Variants in SLC24A3 observed in about 807,000 individuals in gnomAD.
SLC24A3 encodes sodium/potassium/calcium exchanger 3.
SLC24A3 carries 28 observed loss-of-function variants against 75.8 expected under a neutral mutation model. The ratio of observed to expected loss-of-function variants is 0.37; its 90% confidence interval spans 0.27 to 0.51. The LOEUF (loss-of-function observed/expected upper bound fraction) is 0.51, where lower values mean the gene tolerates loss of function less well. Ranked by LOEUF, SLC24A3 falls within the 20% of genes least tolerant of loss-of-function variation. The probability of loss-of-function intolerance (pLI) is 0.94; values close to 1 mark genes in which losing one functional copy is unlikely to be tolerated. For missense variants in SLC24A3, 663 were observed against 847.8 expected, an observed-to-expected ratio of 0.78 and a Z score of 2.71; for synonymous variants, 372 against 334.1, an observed-to-expected ratio of 1.11 and a Z score of -1.24.
At chr20:19,291,521 T>A (rs750626732) in intron 2 of SLC24A3, among the ~76,000 whole-genome samples, 1 of 152,192 alleles carries the variant, frequency 6.6e-6, no homozygotes, top group Non-Finnish European at 1.5e-5. Flanking sequence ...GGAGAGTAAG[T>A]TTAAATAGGT....
At chr20:19,504,417 A>C (rs1021179131) in intron 2 of SLC24A3, among the ~76,000 whole-genome samples, 3 of 152,226 alleles carry the variant, frequency 2.0e-5, no homozygotes, top group African/African-American at 7.2e-5. Flanking sequence ...TAAATATTTA[A>C]AGTTTAAAAA....
intron 3 of SLC24A3, among the ~76,000 whole-genome samples, chr20:19,524,315 C>T (rs191176079): frequency 3.5e-4 from 53 of 152,304 alleles, no homozygotes; most frequent in East Asian, 1.2e-3. Flanking sequence ...GACTTCAGGA[C>T]GTACAGAATC....
Position 19,585,454 on chromosome 20 carries a change from C to G in SLC24A3, c.522C>G (p.Thr174=). 1 of 1,614,054 alleles carries G rather than the reference C, an allele frequency of 6.2e-7. No homozygotes were observed. Among genetic ancestry groups the G allele is most frequent in the Non-Finnish European group, 8.5e-7 (1 of 1,179,984 alleles). The stretch of plus-strand genomic sequence containing the variant: ...TCTGTGTTTCAGGGGTCTTCATCAC[C>G]AAAGGCGATGTGGGAGTTGGCACCA... The part of the protein sequence containing the change: ...LFTSVIGVFI[T]KGDVGVGTIV... The change falls in exon 6 of 17, where the codon ACC becomes ACG. Residue 174 remains threonine (T), a synonymous_variant. Transcript: ENST00000328041.
At chr20:19,264,158 CA>C (rs11477124) in intron 1 of SLC24A3, 17,286 of 105,710 alleles carry the variant, frequency 0.16, 1,979 homozygotes, top group East Asian at 0.61. Context: ...AAGACCCTGT[CA>C]AAAAAAAAAA....
intron 3 of SLC24A3, among the ~76,000 whole-genome samples, chr20:19,532,153 G>T (rs934611804): frequency 6.6e-6 from 1 of 152,182 alleles, no homozygotes; most frequent in East Asian, 1.9e-4. Flanking sequence ...CTCAGCTTTT[G>T]ATCTAGACGA....
intron 1 of SLC24A3, among the ~76,000 whole-genome samples, chr20:19,265,017 T>C (rs1043820031): frequency 6.6e-6 from 1 of 152,214 alleles, no homozygotes. Context: ...ATAAACTACT[T>C]GCACCCAAGT....
intron 3 of SLC24A3, among the ~76,000 whole-genome samples, chr20:19,532,297 C>T (rs3790249): frequency 0.61 from 92,285 of 151,658 alleles, 28,462 homozygotes; most frequent in Non-Finnish European, 0.66. Context: ...TGGATACTTG[C>T]GGAAGGCCCC....
intron 2 of SLC24A3, among the ~76,000 whole-genome samples, chr20:19,370,435 C>A (rs965582500): frequency 3.9e-5 from 6 of 152,232 alleles, no homozygotes; most frequent in Non-Finnish European, 8.8e-5. Context: ...CTTTCAGGCA[C>A]CCACAGCCTC....
intron 2 of SLC24A3, among the ~76,000 whole-genome samples, chr20:19,484,905 C>T (rs192192587): frequency 6.6e-6 from 1 of 152,212 alleles, no homozygotes; most frequent in Admixed American, 6.5e-5. Flanking sequence ...TGTATTTTTT[C>T]AGGAGACTGA....
chr20:19,684,189 C>T lies in SLC24A3; in HGVS notation c.915C>T (p.Arg305=). The change falls in exon 11 of 17, where the codon CGC becomes CGT. Residue 305 remains arginine (R), a synonymous_variant. Transcript: ENST00000328041. ...TCGTTTCCCTAGCAAATTTCCACCG[C>T]AAAGCATCAGTGATCATGGTAGACG... The part of the protein sequence containing the change: ...VVLLKKANFH[R]KASVIMVDEL... The T allele has an allele frequency of 6.2e-7, 1 of 1,613,216 alleles. No homozygotes were observed. The highest frequency in any genetic ancestry group is 2.2e-5 in the East Asian group (1 of 44,828).
intron 15 of SLC24A3, among the ~76,000 whole-genome samples, chr20:19,715,870 C>T (rs2033040239): frequency 6.6e-6 from 1 of 152,220 alleles, no homozygotes; most frequent in Non-Finnish European, 1.5e-5. Context: ...TTTTCACTCC[C>T]TGCAGGAGAG....
At chr20:19,611,336 G>A (rs563635381) in intron 6 of SLC24A3, among the ~76,000 whole-genome samples, 1 of 151,952 alleles carries the variant, frequency 6.6e-6, no homozygotes, top group Non-Finnish European at 1.5e-5. Context: ...GTGGTTCTTG[G>A]AACAGAGAAG....
chr20:19,607,613 G>A (rs1252699417), intron 6 of SLC24A3, among the ~76,000 whole-genome samples: 4 of 152,252 alleles, frequency 2.6e-5, no homozygotes, highest in Non-Finnish European at 4.4e-5. Context: ...CTTCATGGCC[G>A]ACTGTCCACA....
rs536279017 is a variant in SLC24A3, at chr20:19,481,311, T to G, written c.272-34177T>G. The stretch of plus-strand genomic sequence containing the variant: ...AGTGACTATGTGCTGGACACCCGTT[T>G]TAGCACTTCACACGTACTAGTGCTT... On this transcript the variant is annotated intron_variant, in intron 2 of 16. Coordinates refer to ENST00000328041, the MANE Select transcript of SLC24A3 (RefSeq NM_020689.4). 2.0e-5 allele frequency among the ~76,000 whole-genome samples: 3 copies of G among 152,326 alleles called. No homozygotes were observed. The South Asian group carries it at 6.2e-4, about 32-fold the overall frequency.
intron 3 of SLC24A3, among the ~76,000 whole-genome samples, chr20:19,515,974 A>T (rs2029979308): frequency 6.6e-6 from 1 of 152,094 alleles, no homozygotes; most frequent in Admixed American, 6.5e-5. Context: ...TTTGCTTTTC[A>T]ACTTTTCACC....
intron 2 of SLC24A3, among the ~76,000 whole-genome samples, chr20:19,432,269 G>GTT (rs1284900940): frequency 9.5e-6 from 1 of 105,130 alleles, no homozygotes; most frequent in Non-Finnish European, 1.7e-5. Context: ...ATATATATCT[G>GTT]TTTTATATAT....
chr20:19,720,639 C>T (rs8115082), intron 16 of SLC24A3, among the ~76,000 whole-genome samples: 3,808 of 152,142 alleles, frequency 0.025, 151 homozygotes, highest in African/African-American at 0.086. Flanking sequence ...GAGTGGGGGC[C>T]TGCTTAAAGC....
At chr20:19,294,004 A>G (rs1984004428) in intron 2 of SLC24A3, among the ~76,000 whole-genome samples, 1 of 152,198 alleles carries the variant, frequency 6.6e-6, no homozygotes, top group Non-Finnish European at 1.5e-5. Context: ...TAACCTATGC[A>G]CATCCTCCCA....
At chr20:19,642,924 G>A (rs2032092969) in intron 6 of SLC24A3, among the ~76,000 whole-genome samples, 1 of 152,066 alleles carries the variant, frequency 6.6e-6, no homozygotes, top group African/African-American at 2.4e-5. Flanking sequence ...TTTAATGCAG[G>A]GGGGAAATAT....
Sources: gnomAD v4.1 joint callset for allele counts (sites outside exome capture counted in the v4.1 genomes callset) on GRCh38, gnomAD v4.1.1 for gene constraint, MANE v1.5 for transcripts, NCBI Gene and HGNC (gene_info 2026-07-23, HGNC 2026-07-21) for gene names.